The following COL12A1 variants were observed in gnomAD, a reference collection of about 807,000 sequenced individuals.
COL12A1 encodes collagen alpha-1(XII) chain.
COL12A1 carries 114 observed loss-of-function variants against 349.7 expected under a neutral mutation model. That is an observed-to-expected ratio of 0.33 (90% CI 0.28 to 0.38). COL12A1 has a LOEUF of 0.38. Ranked by LOEUF, COL12A1 falls within the 10% of genes least tolerant of loss-of-function variation. COL12A1 has a pLI of 1.00. For synonymous variants in COL12A1, 1,369 were observed against 1,329.0 expected, an observed-to-expected ratio of 1.03 and a Z score of -0.66; for missense variants, 3,284 against 3,756.9, an observed-to-expected ratio of 0.87 and a Z score of 3.29.
rs1049517416 is a variant in COL12A1 at position 75,138,497 on chromosome 6, G to A, written c.5181C>T (p.Ile1727=). ...CATCACTTTCTGACTCATCAGGATA[G>A]ATGGCAGTAATGGAAACTTCATAGA... ...NTIYEVSITA[I]YPDESESDDL... The change falls in exon 29 of 66, where the codon ATC becomes ATT. Residue 1727 remains isoleucine, a synonymous_variant. Transcript: ENST00000322507. 1 of 1,614,080 alleles carries A rather than the reference G, an allele frequency of 6.2e-7. No homozygotes were observed. Among genetic ancestry groups the A allele is most frequent in the South Asian group, 1.1e-5 (1 of 91,078 alleles).
rs1767453212 is a variant in COL12A1, at chr6:75,085,642, G to C, written c.*905C>G. On this transcript the variant is annotated 3_prime_UTR_variant, in exon 66 of 66. Transcript: ENST00000322507. ...GGGTCAGAGACTGGGCCAAAGAACTGTAAACGCAGTAACTAAGTAGGATTT... is the reference window on the plus strand; with the variant it reads ...GGGTCAGAGACTGGGCCAAAGAACTCTAAACGCAGTAACTAAGTAGGATTT... 4.2e-6 allele frequency: 1 copy of C among 239,608 alleles called. No individual in the cohort carries two copies. The highest frequency in any genetic ancestry group is 8.7e-6 in the Non-Finnish European group (1 of 115,244). The allele number at this position is 239,608 out of a possible 1,614,324, so 14.8% of individuals were successfully genotyped here.
intron 14 of COL12A1, among the ~76,000 whole-genome samples, chr6:75,163,756 T>A (rs1768140329): frequency 6.6e-6 from 1 of 152,220 alleles, no homozygotes; most frequent in African/African-American, 2.4e-5. Flanking sequence ...ATTTCTTAGA[T>A]GCTCATCTTC....
intron 14 of COL12A1, among the ~76,000 whole-genome samples, chr6:75,160,524 T>C (rs1767980053): frequency 6.6e-6 from 1 of 152,186 alleles, no homozygotes; most frequent in Admixed American, 6.5e-5. Context: ...AAATACTTTC[T>C]AAACAACAAC....
chr6:75,191,858 C>A, intron 4 of COL12A1, 98 bp from the exon 5 acceptor site: 1 of 693,820 alleles, frequency 1.4e-6, no homozygotes, highest in South Asian at 3.9e-5. Flanking sequence ...GTTATTGTCT[C>A]TTAAATGTAT....
chr6:75,116,620 T>C (rs1216900367), intron 47 of COL12A1, among the ~76,000 whole-genome samples: 1 of 152,168 alleles, frequency 6.6e-6, no homozygotes, highest in Non-Finnish European at 1.5e-5. Flanking sequence ...CACTCCGAAC[T>C]TCAGCATAAA....
At position 75,115,141 on chromosome 6, in the gene COL12A1, A is replaced by T. The variant is rs571241174; in HGVS notation, c.7697+643T>A. On this transcript the variant is annotated intron_variant, in intron 49 of 65. Coordinates refer to ENST00000322507, the MANE Select transcript of COL12A1 (RefSeq NM_004370.6). Reference sequence around the variant, plus strand: ...TTTCATATTTCAGACATCATTCCTGACCCTGTCCTGAGCTTACAATACCTT... The same window carrying T: ...TTTCATATTTCAGACATCATTCCTGTCCCTGTCCTGAGCTTACAATACCTT... 6.6e-5 allele frequency among the ~76,000 whole-genome samples: 10 copies of T among 152,184 alleles called. No homozygotes were observed. The South Asian group carries it at 2.1e-3, about 32-fold the overall frequency.
chr6:75,153,837 T>C (rs1767619025), intron 17 of COL12A1, among the ~76,000 whole-genome samples: 1 of 152,108 alleles, frequency 6.6e-6, no homozygotes, highest in Non-Finnish European at 1.5e-5. Flanking sequence ...TGTTACCATT[T>C]TCCTTCCCAA....
intron 25 of COL12A1, among the ~76,000 whole-genome samples, chr6:75,144,341 T>C (rs79328001): frequency 1.2e-3 from 178 of 152,272 alleles, no homozygotes; most frequent in Non-Finnish European, 2.1e-3. Flanking sequence ...ATCTAACATA[T>C]AAAGGAGGAT....
Position 75,090,336 on chromosome 6 carries a change from A to G in COL12A1, c.8753-38T>C, listed in dbSNP as rs759224793. 1.9e-6 allele frequency: 3 copies of G among 1,567,088 alleles called. No homozygotes were observed. The highest frequency in any genetic ancestry group is 1.2e-5 in the South Asian group (1 of 86,420). On this transcript the variant is annotated intron_variant, in intron 62 of 65. Coordinates refer to ENST00000322507, the MANE Select transcript of COL12A1 (RefSeq NM_004370.6). The surrounding 1 kb of genome is among the most constrained non-coding windows in gnomAD (Gnocchi z 4.1). The stretch of plus-strand genomic sequence containing the variant: ...ATAAGGCTTGTTAGTAAGAAACCCA[A>G]TAAAGGACGGATGAGAGAGTGAAAC...
chr6:75,135,173 T>C (rs971335173), intron 31 of COL12A1, among the ~76,000 whole-genome samples: 2 of 151,858 alleles, frequency 1.3e-5, no homozygotes, highest in African/African-American at 4.8e-5. Context: ...CGGGGGGGAC[T>C]AATCATAAGT....
chr6:75,139,374 C>T (rs377056420), intron 27 of COL12A1, among the ~76,000 whole-genome samples: 3 of 151,878 alleles, frequency 2.0e-5, no homozygotes, highest in East Asian at 1.9e-4. Flanking sequence ...CCTTATTAAC[C>T]GAGAATGTCA....
rs1002004176 is a variant in COL12A1 at position 75,134,016 on chromosome 6, C to G, written c.5525-19G>C. 1 of 1,607,888 alleles carries G rather than the reference C, an allele frequency of 6.2e-7. No homozygotes were observed. Among genetic ancestry groups the G allele is most frequent in the Admixed American group, 1.7e-5 (1 of 59,150 alleles). On this transcript the variant is annotated intron_variant, in intron 32 of 65. Transcript: ENST00000322507. ...AGAGGTTCTGAAATGCACAGAAATC[C>G]CATCACAGTATAATGCTAACAATCA...
At chr6:75,143,063 G>C in intron 26 of COL12A1, 189 bp downstream of exon 26, 1 of 601,600 alleles carries the variant, frequency 1.7e-6, no homozygotes, top group Non-Finnish European at 2.8e-6. Context: ...AAACATTTCT[G>C]TTTTGACAAG....
chr6:75,087,410 ATGT>A (rs1767553825), intron 65 of COL12A1, 164 bp downstream of exon 65: 2 of 610,974 alleles, frequency 3.3e-6, no homozygotes, highest in East Asian at 3.1e-5. Flanking sequence ...CAGTGAAATA[ATGT>A]TGTGTGCTAT....
At position 75,117,622 on chromosome 6, in the gene COL12A1, C is replaced by A. The variant is rs374930143; in HGVS notation, c.7355-76G>T. On this transcript the variant is annotated intron_variant, in intron 46 of 65. Coordinates refer to ENST00000322507, the MANE Select transcript of COL12A1 (RefSeq NM_004370.6). ...GTTGTTAGAACAATGCAAAAAAATTCTTATCAGAAATGATGCTGTATTTTC... is the reference window on the plus strand; with the variant it reads ...GTTGTTAGAACAATGCAAAAAAATTATTATCAGAAATGATGCTGTATTTTC... The A allele has an allele frequency of 2.0e-4, 293 of 1,498,038 alleles. No homozygotes were observed. In the African/African-American group the frequency reaches 3.7e-3, roughly 19 times the overall value. The allele number at this position is 1,498,038 out of a possible 1,614,324, so 92.8% of individuals were successfully genotyped here. A position where few individuals can be genotyped will look rare whatever the true frequency, so the allele number is the denominator to read the frequency against.
chr6:75,150,562 T>C (rs1767429496), intron 21 of COL12A1, among the ~76,000 whole-genome samples: 1 of 152,150 alleles, frequency 6.6e-6, no homozygotes, highest in Admixed American at 6.6e-5. Context: ...TCATCTACAG[T>C]TGAGGCAAAG....
chr6:75,096,470 T>C (rs916847094), intron 59 of COL12A1, among the ~76,000 whole-genome samples: 14 of 152,222 alleles, frequency 9.2e-5, no homozygotes, highest in African/African-American at 2.7e-4. Flanking sequence ...AATCATTAGT[T>C]TCAGTATTTT....
intron 13 of COL12A1, among the ~76,000 whole-genome samples, chr6:75,169,493 C>T (rs1313502704): frequency 1.3e-5 from 2 of 152,220 alleles, no homozygotes; most frequent in Admixed American, 1.3e-4. Flanking sequence ...TTCCCTGAAC[C>T]TAGATCTACT....
rs552614800 is a variant in COL12A1, at chr6:75,086,414, C to T, written c.*133G>A. On this transcript the variant is annotated 3_prime_UTR_variant, in exon 66 of 66. Transcript: ENST00000322507. ...TCCACCCTCCTTTGTGATGTCGACCCGGTTCGTTAACCATTATCTGTGGTG... is the reference window on the plus strand; with the variant it reads ...TCCACCCTCCTTTGTGATGTCGACCTGGTTCGTTAACCATTATCTGTGGTG... 1.4e-5 allele frequency: 9 copies of T among 655,812 alleles called. No homozygotes were observed. The highest frequency in any genetic ancestry group is 1.1e-4 in the East Asian group (3 of 28,360). The allele number at this position is 655,812 out of a possible 1,614,324, so 40.6% of individuals were successfully genotyped here. A position where few individuals can be genotyped will look rare whatever the true frequency, so the allele number is the denominator to read the frequency against.
Sources: gnomAD v4.1 joint callset for allele counts (sites outside exome capture counted in the v4.1 genomes callset) on GRCh38, gnomAD v4.1.1 for gene constraint, Gnocchi (gnomAD v3.1) non-coding constraint, MANE v1.5 for transcripts, NCBI Gene and HGNC (gene_info 2026-07-23, HGNC 2026-07-21) for gene names.